The following DMD variants were observed in gnomAD, a reference collection of about 807,000 sequenced individuals.
DMD encodes the protein dystrophin.
A neutral mutation model predicts 330.1 loss-of-function variants in DMD; 63 were observed. The observed-to-expected ratio is 0.19, with a 90% confidence interval of 0.16 to 0.24. DMD has a LOEUF of 0.24. DMD is among the 10% of genes least tolerant of loss of function. The pLI, the probability that DMD is intolerant of heterozygous loss-of-function variation, is 1.00. For missense variants in DMD, 3,344 were observed against 2,684.1 expected (o/e 1.25, Z -5.43); for synonymous variants, 1,223 against 959.8 (o/e 1.27, Z -5.07).
chrX:31,439,357 T>G (rs2064766755), intron 60 of DMD, among the ~76,000 whole-genome samples: 1 of 111,709 alleles, frequency 9.0e-6, no homozygotes, highest in South Asian at 3.7e-4. Flanking sequence ...CAATCAGTGC[T>G]GACTGAATGA....
intron 62 of DMD, among the ~76,000 whole-genome samples, chrX:31,301,924 G>T (rs148760679): frequency 0.01 from 1,122 of 111,550 alleles, 15 homozygotes; most frequent in Middle Eastern, 0.032. Flanking sequence ...TAATTGTAAA[G>T]ACCACATCCC....
chrX:32,135,527 T>G (rs2146977970), intron 44 of DMD, among the ~76,000 whole-genome samples: 1 of 111,504 alleles, frequency 9.0e-6, no homozygotes, highest in South Asian at 3.8e-4. Context: ...GCTCAGGAGT[T>G]TGAGACCAGA....
At chrX:32,842,398 A>G (rs758320666) in intron 4 of DMD, among the ~76,000 whole-genome samples, 1 of 112,075 alleles carries the variant, frequency 8.9e-6, no homozygotes, top group South Asian at 3.8e-4. Flanking sequence ...GTAATAGTGT[A>G]AACAAACAAA....
chrX:32,958,307 G>A (rs188552533), intron 2 of DMD, among the ~76,000 whole-genome samples: 10 of 111,285 alleles, frequency 9.0e-5, no homozygotes, highest in African/African-American at 3.3e-4. Context: ...AAGATAAATC[G>A]TTTCTTCAAT....
At chrX:32,975,346 CTTTTTTTTTT>C (rs35180404) in intron 2 of DMD, among the ~76,000 whole-genome samples, 1 of 64,773 alleles carries the variant, frequency 1.5e-5, no homozygotes, top group Non-Finnish European at 2.8e-5. Context: ...TTAAAAAATG[CTTTTTTTTTT>C]TTTTTTTTTT....
At chrX:31,569,508 G>T (rs2075640508) in intron 55 of DMD, among the ~76,000 whole-genome samples, 1 of 105,306 alleles carries the variant, frequency 9.5e-6, no homozygotes. Context: ...TACAGTTAGT[G>T]ATCAGTATTG....
intron 18 of DMD, among the ~76,000 whole-genome samples, chrX:32,502,323 C>CAT (rs2044141056): frequency 9.0e-6 from 1 of 110,846 alleles, no homozygotes; most frequent in African/African-American, 3.3e-5. Flanking sequence ...AATATATGTA[C>CAT]ATATATATTT....
At chrX:32,704,222 C>T (rs1415648510) in intron 7 of DMD, among the ~76,000 whole-genome samples, 1 of 95,694 alleles carries the variant, frequency 1.0e-5, no homozygotes, top group African/African-American at 6.2e-5. Context: ...CCAGTCATTG[C>T]ACTACACTGC....
intron 7 of DMD, among the ~76,000 whole-genome samples, chrX:32,747,135 A>T (rs2070142052): frequency 8.9e-6 from 1 of 112,125 alleles, no homozygotes; most frequent in Non-Finnish European, 1.9e-5. Context: ...GTATCTCAAC[A>T]ATCTGTTTTA....
intron 7 of DMD, among the ~76,000 whole-genome samples, chrX:32,785,757 C>T (rs73211806): frequency 2.9e-3 from 325 of 110,654 alleles, no homozygotes; most frequent in African/African-American, 8.2e-3. Context: ...AAGCAAAATT[C>T]GAGATATAAT....
At chrX:32,907,894 C>A (rs184729034) in intron 2 of DMD, among the ~76,000 whole-genome samples, 1 of 111,648 alleles carries the variant, frequency 9.0e-6, no homozygotes, top group Non-Finnish European at 1.9e-5. Flanking sequence ...GAACATAGCT[C>A]TTCATTCACT....
intron 44 of DMD, among the ~76,000 whole-genome samples, chrX:31,987,668 T>C (rs2095519045): frequency 8.9e-6 from 1 of 112,173 alleles, no homozygotes; most frequent in African/African-American, 3.2e-5. Context: ...AGAATGGCTA[T>C]TATCAAAATA....
At chrX:32,313,142 A>T (rs2097570604) in intron 41 of DMD, among the ~76,000 whole-genome samples, 1 of 108,982 alleles carries the variant, frequency 9.2e-6, no homozygotes, top group African/African-American at 3.3e-5. Context: ...CAAAAAAGAA[A>T]ATCCTCAATA....
At chrX:32,225,767 A>C (rs755171896) in intron 43 of DMD, among the ~76,000 whole-genome samples, 1 of 108,508 alleles carries the variant, frequency 9.2e-6, no homozygotes, top group African/African-American at 3.4e-5. Flanking sequence ...TGAAATGCCT[A>C]CACCTGCTCT....
chrX:31,422,049 T>A (rs1374682673), intron 60 of DMD, among the ~76,000 whole-genome samples: 1 of 93,506 alleles, frequency 1.1e-5, no homozygotes, highest in African/African-American at 3.9e-5. Flanking sequence ...ATATATTTTT[T>A]TTTTTCTTTT....
rs199994602 is a variant in DMD, at chrX:31,314,742, CAG to C, written c.9224+8854_9224+8855del. ...ATTTCTTTAAAAAAGAATACATACA[CAG>C]AGAGAGAGAGAGAGAGAGAGAGAGA... On this transcript the variant is annotated intron_variant, in intron 62 of 78. Transcript: ENST00000357033. Among the ~76,000 whole-genome samples, 256 of 55,249 alleles carry C rather than the reference CAG, an allele frequency of 4.6e-3. 1 individual carries two copies. The highest frequency in any genetic ancestry group is 7.3e-3 in the African/African-American group (86 of 11,799). The allele number at this position is 55,249 out of a possible 115,157, so 48.0% of individuals were successfully genotyped here. A position where few individuals can be genotyped will look rare whatever the true frequency, so the allele number is the denominator to read the frequency against.
At chrX:32,827,552 A>T (rs1442053424) in intron 4 of DMD, among the ~76,000 whole-genome samples, 1 of 110,759 alleles carries the variant, frequency 9.0e-6, no homozygotes, top group Non-Finnish European at 1.9e-5. Context: ...ATGGTGCCTG[A>T]TAGGTAGTTT....
chrX:33,058,769 ATTATATT>A (rs942384005), intron 1 of DMD, among the ~76,000 whole-genome samples: 12 of 111,858 alleles, frequency 1.1e-4, no homozygotes, highest in African/African-American at 3.6e-4. Flanking sequence ...ATATTGTCTT[ATTATATT>A]TTAACCATTC....
chrX:31,805,507 G>T (rs1287501925), intron 50 of DMD, among the ~76,000 whole-genome samples: 1 of 111,941 alleles, frequency 8.9e-6, no homozygotes, highest in Non-Finnish European at 1.9e-5. Flanking sequence ...ATAGTCATGA[G>T]AATTTAGAAA....
Sources: allele counts gnomAD v4.1 joint callset (sites outside exome capture counted in the v4.1 genomes callset), GRCh38; gene constraint gnomAD v4.1.1; transcripts MANE v1.5; gene names NCBI Gene and HGNC (gene_info 2026-07-23, HGNC 2026-07-21).